The following DNAJC8 variants were observed in gnomAD, a reference collection of about 807,000 sequenced individuals.
The protein encoded by DNAJC8 is dnaJ homolog subfamily C member 8.
DNAJC8 carries 24 observed loss-of-function variants against 43.2 expected under a neutral mutation model. The observed-to-expected ratio is 0.56, with a 90% CI of 0.40 to 0.78. The LOEUF is 0.78. DNAJC8 is among the 30% of genes least tolerant of loss of function. The pLI is 0.00. For missense variants in DNAJC8, 207 were observed against 299.4 expected, an observed-to-expected ratio of 0.69 and a Z score of 2.28; for synonymous variants, 83 against 98.0, an observed-to-expected ratio of 0.85 and a Z score of 0.90.
chr1:28,232,813 G>T, intron 1 of DNAJC8, 108 bp downstream of exon 1: 1 of 1,212,290 alleles, frequency 8.2e-7, no homozygotes, highest in Non-Finnish European at 1.2e-6. Context: ...AGACTGGACT[G>T]AAGGAATCGC....
chr1:28,227,084 A>G (rs1646940459), intron 2 of DNAJC8, among the ~76,000 whole-genome samples: 2 of 148,448 alleles, frequency 1.3e-5, no homozygotes, highest in South Asian at 4.2e-4. Context: ...CAAAAAAAAA[A>G]AAAGAATTTC....
chr1:28,201,154 C>A lies in DNAJC8; in HGVS notation c.*94G>T, dbSNP rs1488526768. 7.7e-6 allele frequency: 12 copies of A among 1,558,162 alleles called. No individual in the cohort carries two copies. Among genetic ancestry groups the A allele is most frequent in the Non-Finnish European group, 1.0e-5 (12 of 1,147,874 alleles). Reference sequence around the variant, plus strand: ...AATGGACTAAAAAGCAAATACTACTCTATGTTGGGGTGGAAGTGGGAGGAA... The same window carrying A: ...AATGGACTAAAAAGCAAATACTACTATATGTTGGGGTGGAAGTGGGAGGAA... On this transcript the variant is annotated 3_prime_UTR_variant, in exon 9 of 9. Transcript: ENST00000263697.
chr1:28,201,452 C>A, intron 8 of DNAJC8, 82 bp from the exon 9 acceptor site: 1 of 1,589,586 alleles, frequency 6.3e-7, no homozygotes, highest in Non-Finnish European at 8.6e-7. Context: ...CACTCACCCT[C>A]CTGTAGCCCA....
At chr1:28,213,268 C>T (rs189251320) in intron 3 of DNAJC8, among the ~76,000 whole-genome samples, 28 of 151,652 alleles carry the variant, frequency 1.8e-4, no homozygotes, top group Admixed American at 5.9e-4. Flanking sequence ...TATGTAGCTA[C>T]ATAAAAAATT....
chr1:28,201,463 G>A, intron 8 of DNAJC8, 93 bp from the exon 9 acceptor site: 1 of 1,562,582 alleles, frequency 6.4e-7, no homozygotes, highest in Non-Finnish European at 8.7e-7. Flanking sequence ...CTGTAGCCCA[G>A]CCCACTTCAG....
rs1646730278 is a variant in DNAJC8, at chr1:28,201,053, CT to C, written c.*194del. 5.0e-6 allele frequency: 4 copies of C among 804,492 alleles called. No individual in the cohort carries two copies. The highest frequency in any genetic ancestry group is 5.8e-5 in the East Asian group (2 of 34,654). 49.8% of individuals were successfully genotyped at this position (804,492 alleles called of 1,614,324 possible). A position where few individuals can be genotyped will look rare whatever the true frequency, so the allele number is the denominator to read the frequency against. ...TCTAGGGGCAGGGAGAGGGAAAGGT[CT>C]TTTTTTAAACCAAGCCCCTCATTTC... is the stretch of plus-strand genomic sequence containing the variant. On this transcript the variant is annotated 3_prime_UTR_variant, in exon 9 of 9. Coordinates refer to ENST00000263697, the MANE Select transcript of DNAJC8 (RefSeq NM_014280.3).
intron 7 of DNAJC8, among the ~76,000 whole-genome samples, chr1:28,204,323 G>GT (rs1279276829): frequency 2.0e-5 from 3 of 152,328 alleles, no homozygotes; most frequent in Admixed American, 6.5e-5. Context: ...GCTCATGCCT[G>GT]TAACGCCAGC....
intron 1 of DNAJC8, 107 bp downstream of exon 1, chr1:28,232,814 A>T: frequency 8.2e-7 from 1 of 1,212,744 alleles, no homozygotes; most frequent in Non-Finnish European, 1.2e-6. Flanking sequence ...GACTGGACTG[A>T]AGGAATCGCC....
At chr1:28,227,634 T>C (rs1646945696) in intron 2 of DNAJC8, among the ~76,000 whole-genome samples, 1 of 151,904 alleles carries the variant, frequency 6.6e-6, no homozygotes, top group South Asian at 2.1e-4. Flanking sequence ...GAGCCAGGTG[T>C]GGTGTCATAT....
At chr1:28,211,994 A>C (rs1646813582) in intron 3 of DNAJC8, among the ~76,000 whole-genome samples, 1 of 150,792 alleles carries the variant, frequency 6.6e-6, no homozygotes, top group Non-Finnish European at 1.5e-5. Context: ...CGTCTCTACT[A>C]AAAATACAAA....
At chr1:28,232,442 C>G (rs1277404152) in intron 1 of DNAJC8, among the ~76,000 whole-genome samples, 2 of 152,210 alleles carry the variant, frequency 1.3e-5, no homozygotes, top group Non-Finnish European at 2.9e-5. Flanking sequence ...AACTATTTCA[C>G]CTCCCTAAAG....
chr1:28,219,975 C>T (rs530591113), intron 2 of DNAJC8, among the ~76,000 whole-genome samples: 3 of 151,960 alleles, frequency 2.0e-5, no homozygotes, highest in African/African-American at 7.3e-5. Flanking sequence ...CTGTGCCCGG[C>T]CTTTCTATTC....
In DNAJC8 at chr1:28,201,112, A is replaced by C. The variant is rs1299523107; in HGVS notation, c.*136T>G. 1.6e-6 allele frequency: 2 copies of C among 1,273,702 alleles called. No homozygotes were observed. The highest frequency in any genetic ancestry group is 2.2e-6 in the Non-Finnish European group (2 of 920,128). The allele number at this position is 1,273,702 out of a possible 1,614,324, so 78.9% of individuals were successfully genotyped here. On this transcript the variant is annotated 3_prime_UTR_variant, in exon 9 of 9. Coordinates refer to ENST00000263697, the MANE Select transcript of DNAJC8 (RefSeq NM_014280.3). ...AAAAGAATTACTCTGATCGATATTA[A>C]ATCGTATTGAAAACAAAATGGACTA...
chr1:28,203,121 C>A (rs1285177370), intron 8 of DNAJC8, among the ~76,000 whole-genome samples: 5 of 152,244 alleles, frequency 3.3e-5, no homozygotes, highest in Non-Finnish European at 7.4e-5. Flanking sequence ...AGGACCTCTA[C>A]CTCATTATCA....
At position 28,232,987 on chromosome 1, in the gene DNAJC8, T is replaced by G. The variant is rs768908939; in HGVS notation, c.12A>C (p.Ser4=). Reference sequence around the variant, plus strand: ...CGCCGCCTGAAGTCCCGCTCTCTCCTGAAGCCGCCATTTCCCCGGCCCAGC... The same window carrying G: ...CGCCGCCTGAAGTCCCGCTCTCTCCGGAAGCCGCCATTTCCCCGGCCCAGC... MAA[S]GESGTSGGGG... The change falls in exon 1 of 9, where the codon TCA becomes TCC. Residue 4 remains serine, a synonymous_variant. Transcript: ENST00000263697. The G allele has an allele frequency of 2.6e-5, 42 of 1,612,408 alleles. No homozygotes were observed. Among genetic ancestry groups the G allele is most frequent in the Non-Finnish European group, 3.1e-5 (36 of 1,180,012 alleles).
chr1:28,218,350 C>T (rs1646875231), intron 2 of DNAJC8, among the ~76,000 whole-genome samples: 2 of 151,954 alleles, frequency 1.3e-5, no homozygotes, highest in Admixed American at 1.3e-4. Context: ...CCACCTCAGC[C>T]TCCCAAAGTG....
intron 5 of DNAJC8, 60 bp from the exon 6 acceptor site, chr1:28,208,473 G>T (rs1646786061): frequency 8.8e-6 from 11 of 1,245,192 alleles, no homozygotes; most frequent in Non-Finnish European, 1.2e-6. Context: ...TATCCACTGG[G>T]CTGTACACAT....
At chr1:28,216,938 A>G (rs1646859841) in intron 2 of DNAJC8, among the ~76,000 whole-genome samples, 1 of 150,624 alleles carries the variant, frequency 6.6e-6, no homozygotes, top group East Asian at 2.0e-4. Context: ...ACTCTCGAGT[A>G]GCTGGGATTA....
chr1:28,232,515 CTGGCGTTCGTGAA>C (rs1376199275), intron 1 of DNAJC8, among the ~76,000 whole-genome samples: 2 of 152,122 alleles, frequency 1.3e-5, no homozygotes, highest in African/African-American at 4.8e-5. Context: ...TACACAGTGC[CTGGCGTTCGTGAA>C]TGGCAGAAAC....
Sources: allele counts gnomAD v4.1 joint callset (sites outside exome capture counted in the v4.1 genomes callset), GRCh38; gene constraint gnomAD v4.1.1; transcripts MANE v1.5; gene names NCBI Gene and HGNC (gene_info 2026-07-23, HGNC 2026-07-21).